The following FER variants were observed in gnomAD, a reference collection of about 807,000 sequenced individuals.
The protein encoded by FER is FER tyrosine kinase, also known as tyrosine-protein kinase Fer.
Under a neutral mutation model 111.0 loss-of-function variants are expected in FER, and 63 were observed. The observed-to-expected ratio is 0.57, with a 90% confidence interval of 0.46 to 0.70. The LOEUF is 0.70. Among genes scored for constraint, FER ranks in the 30% least tolerant of loss-of-function variants. FER has a pLI of 0.00. For missense variants in FER, 914 were observed against 954.0 expected (o/e 0.96, Z 0.55); for synonymous variants, 327 against 313.9 (o/e 1.04, Z -0.44).
chr5:109,155,984 A>G (rs1755333575), intron 17 of FER, among the ~76,000 whole-genome samples: 1 of 152,054 alleles, frequency 6.6e-6, no homozygotes, highest in Non-Finnish European at 1.5e-5. Context: ...AGTGGCAAAT[A>G]AGAGAAAGTT....
intron 17 of FER, among the ~76,000 whole-genome samples, chr5:109,146,451 T>C (rs1411716347): frequency 6.6e-6 from 1 of 151,032 alleles, no homozygotes; most frequent in African/African-American, 2.4e-5. Flanking sequence ...GACTCAAGTA[T>C]TATTATTAAC....
chr5:108,880,568 T>A (rs1765576874), intron 8 of FER, among the ~76,000 whole-genome samples: 1 of 152,136 alleles, frequency 6.6e-6, no homozygotes, highest in South Asian at 2.1e-4. Context: ...TGTAGCTTTC[T>A]TGACAATGAT....
rs200657088 is a variant in FER at position 109,087,666 on chromosome 5, TC to T, written c.1925-12728del. Among the ~76,000 whole-genome samples the T allele has an allele frequency of 9.7e-3, 1,471 of 151,364 alleles. 70 individuals carry two copies. The highest frequency in any genetic ancestry group is 0.075 in the Admixed American group (1,140 of 15,142). On this transcript the variant is annotated intron_variant, in intron 16 of 19. Transcript: ENST00000281092. ...TCCTCATTGGAAAAAAAGTTTCCAA[TC>T]CTCGGTGCACTTTTTTTTTGGTTTT... is the stretch of plus-strand genomic sequence containing the variant.
intron 10 of FER, among the ~76,000 whole-genome samples, chr5:108,909,245 G>T (rs1288869560): frequency 6.6e-6 from 1 of 152,024 alleles, no homozygotes; most frequent in Non-Finnish European, 1.5e-5. Flanking sequence ...GCTTCATTTG[G>T]TACCAGATGA....
At chr5:109,085,666 G>A (rs957635311) in intron 16 of FER, among the ~76,000 whole-genome samples, 1 of 151,676 alleles carries the variant, frequency 6.6e-6, no homozygotes, top group East Asian at 1.9e-4. Context: ...TTACCATTAA[G>A]TATGGTGATA....
chr5:109,098,110 A>G (rs893185718), intron 16 of FER, among the ~76,000 whole-genome samples: 24 of 151,830 alleles, frequency 1.6e-4, no homozygotes, highest in African/African-American at 4.6e-4. Flanking sequence ...ACTATGTTAC[A>G]GTATTTGGAA....
rs114814325 is a variant in FER, at chr5:108,982,094, T to C, written c.1656+22747T>C. 5.0e-3 allele frequency among the ~76,000 whole-genome samples: 762 copies of C among 152,174 alleles called. 2 individuals are homozygous for C. Among genetic ancestry groups the C allele is most frequent in the Non-Finnish European group, 8.4e-3 (571 of 67,964 alleles). ...AGTAAAGTCAACATCACCTGGGAAC[T>C]TGTTAGAAATGCAAATTTTCTGACT... is the stretch of plus-strand genomic sequence containing the variant. On this transcript the variant is annotated intron_variant, in intron 13 of 19. Coordinates refer to ENST00000281092, the MANE Select transcript of FER (RefSeq NM_005246.4).
At chr5:109,016,397 T>A (rs569117197) in intron 13 of FER, among the ~76,000 whole-genome samples, 1 of 152,170 alleles carries the variant, frequency 6.6e-6, no homozygotes, top group Non-Finnish European at 1.5e-5. Context: ...CCACTCTGAT[T>A]TGGACTTTTG....
chr5:109,162,981 C>T (rs75533229), intron 17 of FER, among the ~76,000 whole-genome samples: 1,790 of 152,162 alleles, frequency 0.012, 42 homozygotes, highest in African/African-American at 0.04. Context: ...CAAAAGTTCC[C>T]TCACACTGTT....
intron 13 of FER, among the ~76,000 whole-genome samples, chr5:109,010,192 C>CTG (rs1311049189): frequency 6.6e-6 from 1 of 152,048 alleles, no homozygotes; most frequent in African/African-American, 2.4e-5. Flanking sequence ...TTGAGACAGC[C>CTG]TGTCGCCCAG....
chr5:108,968,991 TAG>T (rs1330103690), intron 13 of FER, among the ~76,000 whole-genome samples: 71 of 152,242 alleles, frequency 4.7e-4, no homozygotes, highest in African/African-American at 1.7e-3. Flanking sequence ...ATTCACCTAT[TAG>T]ATTAGCATAA....
intron 17 of FER, among the ~76,000 whole-genome samples, chr5:109,166,521 T>A (rs760027493): frequency 1.3e-5 from 2 of 152,206 alleles, no homozygotes; most frequent in Non-Finnish European, 2.9e-5. Context: ...AATCAATCTG[T>A]TGTCCCAGTT....
chr5:108,812,024 G>A (rs1301965037), intron 3 of FER, among the ~76,000 whole-genome samples: 1 of 152,192 alleles, frequency 6.6e-6, no homozygotes, highest in African/African-American at 2.4e-5. Context: ...GCTATCTGCA[G>A]TTCCTTTGAG....
At chr5:109,073,740 T>C (rs976716049) in intron 16 of FER, among the ~76,000 whole-genome samples, 3 of 152,046 alleles carry the variant, frequency 2.0e-5, no homozygotes, top group Admixed American at 2.0e-4. Flanking sequence ...GGTTCTGCAG[T>C]GGGCCCTGCA....
intron 10 of FER, among the ~76,000 whole-genome samples, chr5:108,927,700 C>T (rs900610921): frequency 1.3e-5 from 2 of 152,176 alleles, no homozygotes; most frequent in African/African-American, 4.8e-5. Context: ...TTCATTCCTC[C>T]TTATTCATCA....
intron 16 of FER, among the ~76,000 whole-genome samples, chr5:109,058,605 C>T (rs1013326956): frequency 1.3e-5 from 2 of 150,810 alleles, no homozygotes; most frequent in South Asian, 2.1e-4. Flanking sequence ...TTTGAATCCT[C>T]TAGTCTTATA....
At chr5:108,842,552 C>G (rs1276354477) in intron 5 of FER, 1 of 152,050 alleles carries the variant, frequency 6.6e-6, no homozygotes, top group Non-Finnish European at 1.5e-5. Context: ...AACTAACAAT[C>G]TCATCAAAAA....
intron 17 of FER, among the ~76,000 whole-genome samples, chr5:109,106,796 AAT>A (rs1222920347): frequency 6.6e-6 from 1 of 152,222 alleles, no homozygotes; most frequent in Non-Finnish European, 1.5e-5. Context: ...ACACATGTGT[AAT>A]ATGTTTCCAG....
Position 108,866,427 on chromosome 5 carries a change from G to A in FER, c.482-1340G>A, listed in dbSNP as rs114725078. Among the ~76,000 whole-genome samples the A allele has an allele frequency of 6.8e-3, 1,031 of 152,214 alleles. 13 individuals carry two copies. Among genetic ancestry groups the A allele is most frequent in the African/African-American group, 0.023 (970 of 41,510 alleles). ...AGGAAGGGGAACATTACACACCAAG[G>A]ACTGTTGTGGGATGGGGGGAAGGGG... On this transcript the variant is annotated intron_variant, in intron 5 of 19. Coordinates refer to ENST00000281092, the MANE Select transcript of FER (RefSeq NM_005246.4).
Sources: gnomAD v4.1 joint callset for allele counts (sites outside exome capture counted in the v4.1 genomes callset) on GRCh38, gnomAD v4.1.1 for gene constraint, MANE v1.5 for transcripts, NCBI Gene and HGNC (gene_info 2026-07-23, HGNC 2026-07-21) for gene names.